HEATR5B: variants seen among roughly 807,000 people sequenced by gnomAD.
HEATR5B encodes the protein HEAT repeat-containing protein 5B.
HEATR5B carries 156 observed loss-of-function variants against 224.1 expected under a neutral mutation model. The ratio of observed to expected loss-of-function variants is 0.70; its 90% CI spans 0.61 to 0.80. HEATR5B has a LOEUF of 0.80. HEATR5B is among the 30% of genes least tolerant of loss of function. The probability of loss-of-function intolerance (pLI) is 0.00; values close to 1 mark genes in which losing one functional copy is unlikely to be tolerated. For missense variants in HEATR5B, 2,323 were observed against 2,535.5 expected (o/e 0.92, Z 1.80); for synonymous variants, 1,027 against 893.0 (o/e 1.15, Z -2.68).
Position 37,068,738 on chromosome 2 carries a change from G to A in HEATR5B, c.1120C>T (p.Gln374Ter). 1 of 1,614,096 alleles carries A rather than the reference G, an allele frequency of 6.2e-7. No individual in the cohort carries two copies. Among genetic ancestry groups the A allele is most frequent in the Non-Finnish European group, 8.5e-7 (1 of 1,180,004 alleles). ...CAGATTTCTTTGGCAGCTGCAATCT[G>A]GGCTTTTTCACCTAGCAAACTGCCC... ...TVGSLLGEKA[Q>*]IAAAKEICQA... Residue 374 changes from glutamine (Q) to a stop codon, truncating the protein, a stop_gained, in exon 8 of 36, where the codon CAG becomes TAG. Coordinates refer to ENST00000233099, the MANE Select transcript of HEATR5B (RefSeq NM_019024.3). LOFTEE classifies it high-confidence loss of function.
At chr2:37,082,112 C>T (rs915438050) in intron 2 of HEATR5B, among the ~76,000 whole-genome samples, 3 of 114,990 alleles carry the variant, frequency 2.6e-5, no homozygotes, top group Admixed American at 2.6e-4. Context: ...TCTTGTCCCC[C>T]GGGCTGGAGT....
intron 6 of HEATR5B, 65 bp from the exon 7 acceptor site, chr2:37,070,452 A>C: frequency 7.9e-7 from 1 of 1,264,022 alleles, no homozygotes; most frequent in Non-Finnish European, 1.1e-6. Flanking sequence ...TTAATAATTC[A>C]AGTAATTATT....
intron 35 of HEATR5B, among the ~76,000 whole-genome samples, chr2:36,986,399 C>T (rs894887909): frequency 6.6e-6 from 1 of 152,150 alleles, no homozygotes; most frequent in Non-Finnish European, 1.5e-5. Context: ...ATCAGATAAA[C>T]CTTTCTTCCA....
rs2148609358 is a variant in HEATR5B at position 37,079,286 on chromosome 2, C to T, written c.172G>A (p.Gly58Arg). The change falls in exon 3 of 36, where the codon GGA becomes AGA. Residue 58 changes from glycine (G) to arginine (R), a missense_variant. Around this residue, in one of 12 missense-constraint regions of HEATR5B, gnomAD observed 292 missense variants for 332.6 expected, o/e 0.88. Transcript: ENST00000233099. ...KQKKLVEQLT[G>R]LISSSPGPPT... is the part of the protein sequence containing the mutation. ...GGTCCAGGTGAACTACTTATTAATC[C>T]AGTTAATTGTTCAACAAGTTTTTTC... is the stretch of plus-strand genomic sequence containing the variant. 1 of 1,611,802 alleles carries T rather than the reference C, an allele frequency of 6.2e-7. No homozygotes were observed. Among genetic ancestry groups the T allele is most frequent in the Non-Finnish European group, 8.5e-7 (1 of 1,179,168 alleles).
chr2:37,084,022 G>C (rs1331110705), intron 1 of HEATR5B, among the ~76,000 whole-genome samples: 2 of 152,150 alleles, frequency 1.3e-5, no homozygotes, highest in East Asian at 1.9e-4. Context: ...CGCGCGCTCG[G>C]GGTCTGGCTT....
chr2:37,053,545 G>C lies in HEATR5B; in HGVS notation c.2462C>G (p.Ala821Gly), dbSNP rs1218511868. The change falls in exon 17 of 36, where the codon GCT becomes GGT. Residue 821 changes from alanine to glycine, a missense_variant. Physicochemically the swap from Ala to Gly is moderately conservative, Grantham distance 60. This residue lies in a region of HEATR5B where 170 missense variants were observed against 216.7 expected (regional missense o/e 0.78). Coordinates refer to ENST00000233099, the MANE Select transcript of HEATR5B (RefSeq NM_019024.3). The part of the protein sequence containing the change: ...VKQAKGVRQQ[A>G]VQLNIFTAVL... ...AGCAGTAAATATGTTAAGCTGCACAGCCTGCTGGCGGACACCTTTAGCTTG... is the reference window on the plus strand; with the variant it reads ...AGCAGTAAATATGTTAAGCTGCACACCCTGCTGGCGGACACCTTTAGCTTG... 4 of 1,610,458 alleles carry C rather than the reference G, an allele frequency of 2.5e-6. No individual in the cohort carries two copies. The East Asian group carries it at 8.9e-5, about 36-fold the overall frequency.
chr2:37,079,832 T>C (rs1235860649), intron 2 of HEATR5B, among the ~76,000 whole-genome samples: 1 of 152,170 alleles, frequency 6.6e-6, no homozygotes, highest in Admixed American at 6.5e-5. Flanking sequence ...ATTCAAACAA[T>C]ATTTATTATG....
chr2:37,029,831 C>T (rs142841072), intron 22 of HEATR5B, among the ~76,000 whole-genome samples: 20 of 151,670 alleles, frequency 1.3e-4, no homozygotes, highest in East Asian at 3.9e-4. Flanking sequence ...TCGAGCCACT[C>T]GGGAGGCTGA....
chr2:37,018,931 G>A (rs1369715420), intron 26 of HEATR5B, among the ~76,000 whole-genome samples: 2 of 152,146 alleles, frequency 1.3e-5, no homozygotes, highest in Non-Finnish European at 2.9e-5. Context: ...GGAGGCCAAG[G>A]CAGGTGAATC....
chr2:36,984,282 T>C (rs927126238), intron 35 of HEATR5B, among the ~76,000 whole-genome samples: 3 of 146,628 alleles, frequency 2.0e-5, no homozygotes, highest in Non-Finnish European at 4.5e-5. Context: ...ATCAAATATC[T>C]AGAAATATGC....
At chr2:37,044,167 T>C (rs1442542111) in intron 18 of HEATR5B, among the ~76,000 whole-genome samples, 1 of 152,192 alleles carries the variant, frequency 6.6e-6, no homozygotes, top group Non-Finnish European at 1.5e-5. Flanking sequence ...GCAAGATACA[T>C]TTCAACTGCT....
chr2:37,037,820 T>C (rs1222754026), intron 21 of HEATR5B, 35 bp downstream of exon 21: 50 of 1,406,752 alleles, frequency 3.6e-5, no homozygotes, highest in Non-Finnish European at 4.6e-5. Flanking sequence ...AAAATACAAC[T>C]TAAAAATCAA....
rs1268836708 is a variant in HEATR5B at position 37,072,273 on chromosome 2, T to C, written c.606A>G (p.Leu202=). 6.2e-7 allele frequency: 1 copy of C among 1,602,880 alleles called. No homozygotes were observed. Among genetic ancestry groups the C allele is most frequent in the Admixed American group, 1.7e-5 (1 of 58,412 alleles). ...TAAATACAGCTTCATTCTGTAGTTCTAGTAGACACTGGAATTAAAAACAAA... is the reference window on the plus strand; with the variant it reads ...TAAATACAGCTTCATTCTGTAGTTCCAGTAGACACTGGAATTAAAAACAAA... ...AVRCAVAKCL[L]ELQNEAVFMW... Residue 202 remains leucine (L), a synonymous_variant, in exon 6 of 36, where the codon CTA becomes CTG. Coordinates refer to ENST00000233099, the MANE Select transcript of HEATR5B (RefSeq NM_019024.3).
At chr2:37,050,302 T>C (rs1670456017) in intron 17 of HEATR5B, among the ~76,000 whole-genome samples, 1 of 152,246 alleles carries the variant, frequency 6.6e-6, no homozygotes, top group African/African-American at 2.4e-5. Flanking sequence ...GTCTAGAATC[T>C]GTAACTGTTC....
intron 34 of HEATR5B, among the ~76,000 whole-genome samples, chr2:36,989,097 C>A (rs1391252720): frequency 6.6e-6 from 1 of 151,822 alleles, no homozygotes; most frequent in Non-Finnish European, 1.5e-5. Context: ...TTTCTTTTTT[C>A]TTTTTTTGAG....
chr2:37,018,392 T>C (rs1186281446), intron 26 of HEATR5B, among the ~76,000 whole-genome samples: 1 of 152,236 alleles, frequency 6.6e-6, no homozygotes, highest in African/African-American at 2.4e-5. Context: ...TTTTTGATAT[T>C]TGTGTGGCAG....
chr2:37,037,359 A>G (rs553474371), intron 21 of HEATR5B, among the ~76,000 whole-genome samples: 4 of 151,678 alleles, frequency 2.6e-5, no homozygotes, highest in South Asian at 2.1e-4. Flanking sequence ...TGGCCAGGCT[A>G]GTCTCAATCT....
chr2:37,064,607 A>C (rs1671476047), intron 10 of HEATR5B, 133 bp downstream of exon 10: 1 of 825,840 alleles, frequency 1.2e-6, no homozygotes, highest in African/African-American at 1.7e-5. Flanking sequence ...ACACCATAGT[A>C]AGAACACTAT....
At chr2:37,023,758 C>T (rs1351645939) in intron 24 of HEATR5B, among the ~76,000 whole-genome samples, 1 of 151,900 alleles carries the variant, frequency 6.6e-6, no homozygotes, top group Non-Finnish European at 1.5e-5. Flanking sequence ...CCTTGGGTGA[C>T]AGAGCAAGAC....
Sources: allele counts gnomAD v4.1 joint callset (sites outside exome capture counted in the v4.1 genomes callset), GRCh38; gene constraint gnomAD v4.1.1; regional missense constraint gnomAD v4.1.1; transcripts MANE v1.5; gene names NCBI Gene and HGNC (gene_info 2026-07-23, HGNC 2026-07-21).